FER: variants seen among roughly 807,000 people sequenced by gnomAD.
FER encodes the protein FER tyrosine kinase.
A neutral mutation model predicts 111.0 loss-of-function variants in FER; 63 were observed. That is an observed-to-expected ratio of 0.57 (90% CI 0.46 to 0.70). FER has a LOEUF of 0.70. FER is among the 30% of genes least tolerant of loss of function. FER has a pLI of 0.00. For missense variants in FER, 914 were observed against 954.0 expected, an observed-to-expected ratio of 0.96 and a Z score of 0.55; for synonymous variants, 327 against 313.9, an observed-to-expected ratio of 1.04 and a Z score of -0.44.
chr5:108,959,298 A>C lies in FER; in HGVS notation c.1607A>C (p.Gln536Pro). ...QLIDHHYTTK[Q>P]VITKKSGVVL... ...ATAGATCATCACTATACAACAAAAC[A>C]GGTCATCACTAAGAAATCAGGTGTA... is the stretch of plus-strand genomic sequence containing the variant. The change falls in exon 13 of 20, where the codon CAG becomes CCG. Residue 536 changes from glutamine (Q) to proline (P), a missense_variant. This residue lies in a region of FER where 774 missense variants were observed against 782.6 expected (regional missense o/e 0.99). Transcript: ENST00000281092. The C allele has an allele frequency of 6.2e-7, 1 of 1,612,070 alleles. No individual in the cohort carries two copies. The highest frequency in any genetic ancestry group is 8.5e-7 in the Non-Finnish European group (1 of 1,178,758).
intron 3 of FER, among the ~76,000 whole-genome samples, chr5:108,816,939 C>G (rs944044097): frequency 2.0e-5 from 3 of 150,900 alleles, no homozygotes; most frequent in Non-Finnish European, 4.4e-5. Context: ...CCATCTCTAC[C>G]AAAAATAAAA....
chr5:108,764,332 C>T (rs1052383414), intron 1 of FER, among the ~76,000 whole-genome samples: 24 of 152,126 alleles, frequency 1.6e-4, no homozygotes, highest in African/African-American at 5.8e-4. Flanking sequence ...TTACCTACCA[C>T]ATATCATGAA....
At chr5:108,918,502 T>G (rs1752562706) in intron 10 of FER, among the ~76,000 whole-genome samples, 1 of 151,130 alleles carries the variant, frequency 6.6e-6, no homozygotes, top group South Asian at 2.1e-4. Context: ...TTTTTTTTTT[T>G]TTGAGATGGA....
intron 10 of FER, chr5:108,924,662 T>C (rs1753498024): frequency 8.1e-7 from 1 of 1,232,064 alleles, no homozygotes; most frequent in Admixed American, 4.2e-5. Flanking sequence ...AATTTTGAGA[T>C]GGAGCAGAAA....
At chr5:108,749,184 C>A (rs1023656300) in intron 1 of FER, among the ~76,000 whole-genome samples, 10 of 152,116 alleles carry the variant, frequency 6.6e-5, no homozygotes, top group Admixed American at 5.9e-4. Flanking sequence ...GCGCCCCCCC[C>A]AACCCCCGTC....
chr5:108,926,285 T>C (rs1183549331), intron 10 of FER, among the ~76,000 whole-genome samples: 7 of 152,056 alleles, frequency 4.6e-5, no homozygotes, highest in Admixed American at 6.5e-5. Flanking sequence ...AATTTTGTGC[T>C]TTTTATTTGT....
intron 5 of FER, among the ~76,000 whole-genome samples, chr5:108,867,149 A>G (rs1440540928): frequency 6.6e-6 from 1 of 152,108 alleles, no homozygotes; most frequent in African/African-American, 2.4e-5. Flanking sequence ...GCTCTATTTC[A>G]AGGACTGTTT....
intron 13 of FER, among the ~76,000 whole-genome samples, chr5:109,012,785 A>G (rs1766462936): frequency 1.3e-5 from 2 of 152,182 alleles, no homozygotes; most frequent in African/African-American, 2.4e-5. Flanking sequence ...GCTTTTGCCA[A>G]AATGGAAAAG....
chr5:108,883,724 T>C (rs1007359332), intron 9 of FER, among the ~76,000 whole-genome samples: 7 of 152,040 alleles, frequency 4.6e-5, no homozygotes, highest in African/African-American at 1.7e-4. Context: ...AAAATGATTA[T>C]GTATTTTTGT....
At chr5:108,825,307 G>A (rs1278807510) in intron 3 of FER, among the ~76,000 whole-genome samples, 1 of 150,884 alleles carries the variant, frequency 6.6e-6, no homozygotes, top group Non-Finnish European at 1.5e-5. Context: ...GGTACGCCCC[G>A]GGGGGCCCAG....
At position 108,812,713 on chromosome 5, in the gene FER, A is replaced by G. The variant is rs138185176; in HGVS notation, c.207+14324A>G. 3.7e-3 allele frequency among the ~76,000 whole-genome samples: 570 copies of G among 152,054 alleles called. 7 individuals are homozygous for G. Among genetic ancestry groups the G allele is most frequent in the African/African-American group, 0.013 (536 of 41,504 alleles). ...CTATTTTTATCTCCTTTATTGAATTATTGCCTATAAATGTTTATTGTGTTA... is the reference window on the plus strand; with the variant it reads ...CTATTTTTATCTCCTTTATTGAATTGTTGCCTATAAATGTTTATTGTGTTA... On this transcript the variant is annotated intron_variant, in intron 3 of 19. Transcript: ENST00000281092.
intron 9 of FER, among the ~76,000 whole-genome samples, chr5:108,897,055 T>C (rs544239374): frequency 1.4e-3 from 211 of 152,256 alleles, no homozygotes; most frequent in African/African-American, 4.4e-3. Flanking sequence ...CCCTGTACTT[T>C]AAAGGAGGGA....
intron 17 of FER, among the ~76,000 whole-genome samples, chr5:109,114,186 A>G (rs1749963462): frequency 6.6e-6 from 1 of 152,124 alleles, no homozygotes; most frequent in African/African-American, 2.4e-5. Context: ...AATTTCATTT[A>G]TAAGCCATGT....
intron 1 of FER, among the ~76,000 whole-genome samples, chr5:108,763,591 A>C (rs1751996711): frequency 6.6e-6 from 1 of 152,188 alleles, no homozygotes; most frequent in South Asian, 2.1e-4. Flanking sequence ...CTAGAATATA[A>C]GTAAATGTTT....
intron 16 of FER, among the ~76,000 whole-genome samples, chr5:109,076,396 C>G (rs1330633517): frequency 6.6e-6 from 1 of 151,968 alleles, no homozygotes; most frequent in Non-Finnish European, 1.5e-5. Context: ...TTAGCAGATT[C>G]ATGTACTTTT....
intron 10 of FER, among the ~76,000 whole-genome samples, chr5:108,923,527 T>A (rs958976029): frequency 6.6e-6 from 1 of 152,164 alleles, no homozygotes; most frequent in Non-Finnish European, 1.5e-5. Context: ...TTAGAAAGAA[T>A]GTTCTGTACA....
At chr5:109,004,028 C>T (rs1198821381) in intron 13 of FER, among the ~76,000 whole-genome samples, 2 of 151,496 alleles carry the variant, frequency 1.3e-5, no homozygotes, top group Non-Finnish European at 2.9e-5. Flanking sequence ...TTTTTTTTGT[C>T]AAATTGACAA....
In FER at chr5:109,191,042, C is replaced by G. The variant is rs1582469716; in HGVS notation, c.*3467C>G. 6.6e-6 allele frequency: 1 copy of G among 152,168 alleles called. No individual in the cohort carries two copies. Among genetic ancestry groups the G allele is most frequent in the Middle Eastern group, 3.4e-3 (1 of 294 alleles). The allele number at this position is 152,168 out of a possible 1,614,324, so 9.4% of individuals were successfully genotyped here. A position where few individuals can be genotyped will look rare whatever the true frequency, so the allele number is the denominator to read the frequency against. On this transcript the variant is annotated 3_prime_UTR_variant, in exon 20 of 20. Coordinates refer to ENST00000281092, the MANE Select transcript of FER (RefSeq NM_005246.4). Reference sequence around the variant, plus strand: ...TAACTTTTGTGAAGATTGGCTAGTACCACAAAATAACTATGGCTTCACAAT... The same window carrying G: ...TAACTTTTGTGAAGATTGGCTAGTAGCACAAAATAACTATGGCTTCACAAT...
At chr5:109,037,304 G>C in intron 13 of FER, 118 bp from the exon 14 acceptor site, 1 of 747,800 alleles carries the variant, frequency 1.3e-6, no homozygotes, top group Non-Finnish European at 2.3e-6. Context: ...TCAGTGTGCT[G>C]TTGATTGAAT....
Sources: gnomAD v4.1 joint callset for allele counts (sites outside exome capture counted in the v4.1 genomes callset) on GRCh38, gnomAD v4.1.1 for gene constraint, gnomAD v4.1.1 regional missense constraint, MANE v1.5 for transcripts, NCBI Gene and HGNC (gene_info 2026-07-23, HGNC 2026-07-21) for gene names.